The following ABR variants were observed in gnomAD, a reference collection of about 807,000 sequenced individuals.
ABR encodes the protein ABR activator of RhoGEF and GTPase.
Under a neutral mutation model 107.2 loss-of-function variants are expected in ABR, and 35 were observed. That is an observed-to-expected ratio of 0.33 (90% CI 0.25 to 0.43). The LOEUF (loss-of-function observed/expected upper bound fraction) is 0.43, where lower values mean the gene tolerates loss of function less well. ABR is among the 20% of genes least tolerant of loss of function. The pLI is 1.00. For missense variants in ABR, 815 were observed against 1,115.2 expected (o/e 0.73, Z 3.83); for synonymous variants, 498 against 462.0 (o/e 1.08, Z -1.00).
At chr17:1,173,325 C>T (rs113281266) in intron 1 of ABR, among the ~76,000 whole-genome samples, 46 of 94,992 alleles carry the variant, frequency 4.8e-4, no homozygotes, top group South Asian at 1.1e-3. Flanking sequence ...ATCACCTCAG[C>T]CCACCCAACA....
chr17:1,050,336 C>A lies in ABR; in HGVS notation c.1660-155G>T, dbSNP rs908624202. 2.6e-5 allele frequency among the ~76,000 whole-genome samples: 4 copies of A among 152,332 alleles called. No individual in the cohort carries two copies. Among genetic ancestry groups the A allele is most frequent in the African/African-American group, 9.6e-5 (4 of 41,576 alleles). ...TGGAGCTCCCAGAGGCCTCCCATCA[C>A]CCCTGGAGTCTGGGGGCCTGAGCTG... is the stretch of plus-strand genomic sequence containing the variant. On this transcript the variant is annotated intron_variant, in intron 15 of 22. Transcript: ENST00000302538. The surrounding 1 kb of genome is among the most constrained non-coding windows in gnomAD (Gnocchi z 4.6).
chr17:1,209,441 T>A (rs928938730), intron 1 of ABR, among the ~76,000 whole-genome samples: 2 of 152,124 alleles, frequency 1.3e-5, no homozygotes, highest in African/African-American at 4.8e-5. Flanking sequence ...CACGCCTAGC[T>A]AATTTTTGTA....
chr17:1,061,704 A>G (rs1017115672), intron 10 of ABR, among the ~76,000 whole-genome samples: 1 of 151,542 alleles, frequency 6.6e-6, no homozygotes, highest in Non-Finnish European at 1.5e-5. Flanking sequence ...CCACCACCAC[A>G]CCCGGCTAAC....
chr17:1,075,968 G>C (rs186404513), intron 6 of ABR, among the ~76,000 whole-genome samples: 20 of 152,362 alleles, frequency 1.3e-4, no homozygotes, highest in Admixed American at 1.3e-3. Context: ...CTTGAATCCA[G>C]GAGGCAGAGG....
intron 2 of ABR, among the ~76,000 whole-genome samples, chr17:1,124,403 C>A (rs1362462711): frequency 6.6e-6 from 1 of 152,188 alleles, no homozygotes; most frequent in Non-Finnish European, 1.5e-5. Context: ...AACACACACC[C>A]CCCACAGAGG....
rs139265817 is a variant in ABR at position 1,119,780 on chromosome 17, G to A, written c.246+5403C>T. ...GTGTGAAAGCTTCACAAGGGAGGGC[G>A]TGTGAGCGGGACCTGACAGCGCTGT... On this transcript the variant is annotated intron_variant, in intron 2 of 22. Coordinates refer to ENST00000302538, the MANE Select transcript of ABR (RefSeq NM_021962.5). Among the ~76,000 whole-genome samples, 763 of 152,346 alleles carry A rather than the reference G, an allele frequency of 5.0e-3. 4 individuals are homozygous for A. Among genetic ancestry groups the A allele is most frequent in the African/African-American group, 0.017 (719 of 41,574 alleles).
At chr17:1,097,794 T>C (rs1469728057) in intron 3 of ABR, among the ~76,000 whole-genome samples, 2 of 152,176 alleles carry the variant, frequency 1.3e-5, no homozygotes, top group Non-Finnish European at 2.9e-5. Context: ...CACACCCTGT[T>C]AGTAATGACA....
At chr17:1,215,922 A>G (rs55805982) in intron 1 of ABR, among the ~76,000 whole-genome samples, 133,758 of 139,366 alleles carry the variant, frequency 0.96, 64,474 homozygotes, top group East Asian at 1. Flanking sequence ...CACTCAGGGT[A>G]AATGGATTAA....
At chr17:1,164,887 C>G (rs111898056) in intron 1 of ABR, among the ~76,000 whole-genome samples, 3 of 152,088 alleles carry the variant, frequency 2.0e-5, no homozygotes, top group Non-Finnish European at 4.4e-5. Context: ...AGGCTGGTCT[C>G]GAGCTCCTGG....
intron 2 of ABR, among the ~76,000 whole-genome samples, chr17:1,117,974 C>G (rs1245625437): frequency 2.9e-5 from 3 of 102,034 alleles, no homozygotes; most frequent in South Asian, 3.2e-4. Flanking sequence ...CAGCGTTATC[C>G]CTGAGCCTGA....
chr17:1,049,313 G>A (rs999368336), intron 16 of ABR, among the ~76,000 whole-genome samples: 11 of 151,998 alleles, frequency 7.2e-5, no homozygotes, highest in African/African-American at 1.4e-4. Flanking sequence ...GATTACAGGC[G>A]CCCGCCACCA....
Position 1,013,102 on chromosome 17 carries a change from CA to C in ABR, c.1851+2del, listed in dbSNP as rs767030779. The C allele has an allele frequency of 6.2e-7, 1 of 1,613,952 alleles. No individual in the cohort carries two copies. The highest frequency in any genetic ancestry group is 8.5e-7 in the Non-Finnish European group (1 of 1,179,984). ...CCACTGATCATTCCCATCCCCGGCTCACCCCGTTCATCTCAATCACGTCCGT... is the reference window on the plus strand; with the variant it reads ...CCACTGATCATTCCCATCCCCGGCTCCCCCGTTCATCTCAATCACGTCCGT... On this transcript the variant is annotated splice_donor_variant, in intron 17 of 22. Transcript: ENST00000302538. LOFTEE classifies it high-confidence loss of function.
chr17:1,050,721 G>A lies in ABR; in HGVS notation c.1562-87C>T, dbSNP rs987979757. 1.8e-4 allele frequency: 185 copies of A among 1,052,014 alleles called. No individual in the cohort carries two copies. In the Admixed American group the frequency reaches 2.1e-3, roughly 12 times the overall value. The allele number at this position is 1,052,014 out of a possible 1,614,324, so 65.2% of individuals were successfully genotyped here. Reference sequence around the variant, plus strand: ...GGCACTCAGGATGGAGGGGGACATCGCATCTGTCCTTTCCAACGTCCCCAC... The same window carrying A: ...GGCACTCAGGATGGAGGGGGACATCACATCTGTCCTTTCCAACGTCCCCAC... On this transcript the variant is annotated intron_variant, in intron 14 of 22. Coordinates refer to ENST00000302538, the MANE Select transcript of ABR (RefSeq NM_021962.5). The surrounding 1 kb of genome is among the most constrained non-coding windows in gnomAD (Gnocchi z 4.6).
intron 1 of ABR, among the ~76,000 whole-genome samples, chr17:1,176,592 T>A (rs1241986063): frequency 6.6e-6 from 1 of 152,166 alleles, no homozygotes; most frequent in Non-Finnish European, 1.5e-5. Context: ...ACGCCAGTAA[T>A]CCCAGCACTT....
At chr17:1,142,312 C>T (rs1005597491) in intron 1 of ABR, among the ~76,000 whole-genome samples, 2 of 152,052 alleles carry the variant, frequency 1.3e-5, no homozygotes, top group African/African-American at 4.8e-5. Context: ...TTGCTGGGCA[C>T]AGTGGCTCAC....
intron 16 of ABR, among the ~76,000 whole-genome samples, chr17:1,048,795 G>A (rs190270829): frequency 1.3e-5 from 2 of 149,728 alleles, no homozygotes; most frequent in African/African-American, 2.6e-5. Flanking sequence ...CCGGGGCCAC[G>A]GTCAAGAAGC....
At chr17:1,215,254 C>G (rs2042977006) in intron 1 of ABR, among the ~76,000 whole-genome samples, 1 of 151,366 alleles carries the variant, frequency 6.6e-6, no homozygotes, top group Admixed American at 6.6e-5. Context: ...AGCTCTCCCT[C>G]TCCCTCTCTC....
At chr17:1,149,321 G>A (rs2040701094) in intron 1 of ABR, among the ~76,000 whole-genome samples, 1 of 152,142 alleles carries the variant, frequency 6.6e-6, no homozygotes, top group Admixed American at 6.5e-5. Context: ...GAGGCCAGGG[G>A]GCTGAACCAG....
chr17:1,038,939 C>T (rs1042342808), intron 16 of ABR, among the ~76,000 whole-genome samples: 7 of 152,326 alleles, frequency 4.6e-5, no homozygotes, highest in Middle Eastern at 3.4e-3. Context: ...TAGCGGCTCA[C>T]GGGGAGGAAT....
Sources: allele counts gnomAD v4.1 joint callset (sites outside exome capture counted in the v4.1 genomes callset), GRCh38; gene constraint gnomAD v4.1.1; non-coding constraint Gnocchi (gnomAD v3.1); transcripts MANE v1.5; gene names NCBI Gene and HGNC (gene_info 2026-07-23, HGNC 2026-07-21).